Variants in ELAPOR2 observed in about 807,000 individuals in gnomAD.
The protein encoded by ELAPOR2 is endosome/lysosome-associated apoptosis and autophagy regulator family member 2.
Under a neutral mutation model 120.7 loss-of-function variants are expected in ELAPOR2, and 89 were observed. The ratio of observed to expected loss-of-function variants is 0.74; its 90% CI spans 0.62 to 0.88. The LOEUF is 0.88. ELAPOR2 is among the 40% of genes least tolerant of loss of function. ELAPOR2 has a pLI of 0.00. For synonymous variants in ELAPOR2, 444 were observed against 444.9 expected (o/e 1.00, Z 0.03); for missense variants, 1,134 against 1,251.6 (o/e 0.91, Z 1.42).
chr7:86,976,206 T>TA (rs1458651474), intron 1 of ELAPOR2, among the ~76,000 whole-genome samples: 1 of 152,172 alleles, frequency 6.6e-6, no homozygotes, highest in Admixed American at 6.5e-5. Context: ...GCAAAGAGCT[T>TA]AGGAGAAAAT....
intron 1 of ELAPOR2, among the ~76,000 whole-genome samples, chr7:86,993,777 C>T (rs981038187): frequency 6.6e-6 from 1 of 152,108 alleles, no homozygotes; most frequent in Non-Finnish European, 1.5e-5. Flanking sequence ...GTACACAATC[C>T]CAACACTCCA....
At chr7:87,023,504 C>T (rs1794133900) in intron 1 of ELAPOR2, among the ~76,000 whole-genome samples, 1 of 152,146 alleles carries the variant, frequency 6.6e-6, no homozygotes, top group East Asian at 1.9e-4. Context: ...AGTGTGATGC[C>T]TCCAGCTTTG....
intron 1 of ELAPOR2, among the ~76,000 whole-genome samples, chr7:87,015,669 T>C (rs903428406): frequency 1.3e-5 from 2 of 152,014 alleles, no homozygotes; most frequent in African/African-American, 4.8e-5. Flanking sequence ...GCACCTGTAG[T>C]CCCAGCTACT....
At chr7:86,960,598 G>T (rs1228123159) in intron 2 of ELAPOR2, among the ~76,000 whole-genome samples, 1 of 152,062 alleles carries the variant, frequency 6.6e-6, no homozygotes, top group Non-Finnish European at 1.5e-5. Context: ...GTCCATTATT[G>T]TAAGTAGGAT....
chr7:87,033,374 C>T (rs1794479374), intron 1 of ELAPOR2, among the ~76,000 whole-genome samples: 1 of 152,174 alleles, frequency 6.6e-6, no homozygotes, highest in South Asian at 2.1e-4. Flanking sequence ...ATTAATAAGA[C>T]AGCCCTGTAA....
Position 87,059,359 on chromosome 7 carries a change from G to T in ELAPOR2, c.155C>A (p.Ser52Tyr). 3 of 1,247,562 alleles carry T rather than the reference G, an allele frequency of 2.4e-6. No individual in the cohort carries two copies. The highest frequency in any genetic ancestry group is 3.0e-6 in the Non-Finnish European group (3 of 988,778). 77.3% of individuals were successfully genotyped at this position (1,247,562 alleles called of 1,614,324 possible). A position where few individuals can be genotyped will look rare whatever the true frequency, so the allele number is the denominator to read the frequency against. The part of the protein sequence containing the change: ...CQAAWAGDLP[S>Y]SSSRPLPPCQ... The stretch of plus-strand genomic sequence containing the variant: ...AGGAGGAAGCGGGCGGCTGGAGGAG[G>T]AGGGCAGGTCCCCAGCCCAGGCCGC... The change falls in exon 1 of 22, where the codon TCC becomes TAC. Residue 52 changes from serine to tyrosine, a missense_variant. Ser to Tyr is a moderately radical substitution (Grantham distance 144, BLOSUM62 -2). Around this residue, in one of 3 missense-constraint regions of ELAPOR2, gnomAD observed 280 missense variants for 331.5 expected, o/e 0.84. Transcript: ENST00000450689.
rs527659673 is a variant in ELAPOR2 at position 87,056,474 on chromosome 7, A to G, written c.189+2851T>C. On this transcript the variant is annotated intron_variant, in intron 1 of 21. Transcript: ENST00000450689. ...AAGTCACATCCTATTCTTGTGCTTC[A>G]TCTGCCAGCACTTTGACTTTCCTTT... Among the ~76,000 whole-genome samples, 7 of 152,284 alleles carry G rather than the reference A, an allele frequency of 4.6e-5. No individual in the cohort carries two copies. In the South Asian group the frequency reaches 1.2e-3, roughly 27 times the overall value.
chr7:87,015,962 T>C (rs1291461225), intron 1 of ELAPOR2, among the ~76,000 whole-genome samples: 1 of 152,164 alleles, frequency 6.6e-6, no homozygotes, highest in African/African-American at 2.4e-5. Flanking sequence ...AGCAGTTTCC[T>C]TTCCAGGTAA....
At chr7:86,982,102 C>T (rs551368679) in intron 1 of ELAPOR2, among the ~76,000 whole-genome samples, 5 of 152,192 alleles carry the variant, frequency 3.3e-5, no homozygotes, top group African/African-American at 2.4e-5. Flanking sequence ...CAGCCTGGCT[C>T]GGGGAGGGGC....
chr7:86,888,277 G>A (rs1383958918), intron 21 of ELAPOR2, among the ~76,000 whole-genome samples: 1 of 152,068 alleles, frequency 6.6e-6, no homozygotes, highest in Admixed American at 6.6e-5. Context: ...GATATGGGTA[G>A]AAATAAGGTG....
chr7:86,979,855 T>C lies in ELAPOR2; in HGVS notation c.190-14831A>G, dbSNP rs551054423. Among the ~76,000 whole-genome samples the C allele has an allele frequency of 8.0e-4, 122 of 152,328 alleles. No homozygotes were observed. In the South Asian group the frequency reaches 8.5e-3, roughly 11 times the overall value. On this transcript the variant is annotated intron_variant, in intron 1 of 21. Coordinates refer to ENST00000450689, the MANE Select transcript of ELAPOR2 (RefSeq NM_001142749.3). ...GTGTCCAAGGGAGAGAATACAGTTGTGGGTTCTTCGTTTCTGTTTCTGGTT... is the reference window on the plus strand; with the variant it reads ...GTGTCCAAGGGAGAGAATACAGTTGCGGGTTCTTCGTTTCTGTTTCTGGTT...
rs9641007 is a variant in ELAPOR2 at position 86,982,187 on chromosome 7, C to G, written c.190-17163G>C. Among the ~76,000 whole-genome samples, 8 of 152,366 alleles carry G rather than the reference C, an allele frequency of 5.3e-5. No individual in the cohort carries two copies. In the East Asian group the frequency reaches 9.6e-4, roughly 18 times the overall value. On this transcript the variant is annotated intron_variant, in intron 1 of 21. Coordinates refer to ENST00000450689, the MANE Select transcript of ELAPOR2 (RefSeq NM_001142749.3). ...TCTAACTGGGCGGAGCCCAACGCAGCTCAGCAAGGCCTGTTGCCTCTGTAC... is the reference window on the plus strand; with the variant it reads ...TCTAACTGGGCGGAGCCCAACGCAGGTCAGCAAGGCCTGTTGCCTCTGTAC...
intron 1 of ELAPOR2, among the ~76,000 whole-genome samples, chr7:87,043,417 T>C (rs1007081820): frequency 4.0e-5 from 6 of 151,532 alleles, no homozygotes; most frequent in Non-Finnish European, 7.4e-5. Flanking sequence ...TCCACCATGA[T>C]CAAGTGGGCT....
At chr7:86,894,013 T>C (rs1788321304) in intron 19 of ELAPOR2, among the ~76,000 whole-genome samples, 1 of 152,088 alleles carries the variant, frequency 6.6e-6, no homozygotes, top group African/African-American at 2.4e-5. Flanking sequence ...AACTTTCTGG[T>C]ATATGATGGT....
chr7:86,933,519 TA>T (rs1205291440), intron 8 of ELAPOR2, among the ~76,000 whole-genome samples: 1 of 151,964 alleles, frequency 6.6e-6, no homozygotes, highest in Non-Finnish European at 1.5e-5. Flanking sequence ...CTCACAATTT[TA>T]TTTCCATACT....
chr7:87,022,407 A>G (rs1178177016), intron 1 of ELAPOR2, among the ~76,000 whole-genome samples: 9 of 152,058 alleles, frequency 5.9e-5, no homozygotes, highest in Admixed American at 5.9e-4. Context: ...AAAGGACATG[A>G]ACTCATCATT....
intron 1 of ELAPOR2, among the ~76,000 whole-genome samples, chr7:87,042,726 G>C (rs139930238): frequency 0.024 from 3,572 of 151,662 alleles, 176 homozygotes; most frequent in African/African-American, 0.082. Flanking sequence ...CAAACACATT[G>C]AAAAGCTAGC....
At chr7:86,981,289 C>A (rs1161980044) in intron 1 of ELAPOR2, among the ~76,000 whole-genome samples, 1 of 152,198 alleles carries the variant, frequency 6.6e-6, no homozygotes, top group Non-Finnish European at 1.5e-5. Context: ...ACATCTCACG[C>A]CACTCTCTAG....
chr7:87,019,821 C>T lies in ELAPOR2; in HGVS notation c.189+39504G>A, dbSNP rs545529062. Among the ~76,000 whole-genome samples, 23 of 152,122 alleles carry T rather than the reference C, an allele frequency of 1.5e-4. No homozygotes were observed. The South Asian group carries it at 4.6e-3, about 30-fold the overall frequency. On this transcript the variant is annotated intron_variant, in intron 1 of 21. Transcript: ENST00000450689. ...CCCTAGAAAATAATTAAGTAGTATT[C>T]TATATAAAGGGATATTCATTGCACT...
Sources: allele counts gnomAD v4.1 joint callset (sites outside exome capture counted in the v4.1 genomes callset), GRCh38; gene constraint gnomAD v4.1.1; regional missense constraint gnomAD v4.1.1; transcripts MANE v1.5; gene names NCBI Gene and HGNC (gene_info 2026-07-23, HGNC 2026-07-21).